Variants in EPM2A observed in about 807,000 individuals in gnomAD.
EPM2A encodes EPM2A glucan phosphatase, laforin, also known as laforin.
Under a neutral mutation model 26.5 loss-of-function variants are expected in EPM2A, and 21 were observed. That is an observed-to-expected ratio of 0.79 (90% confidence interval 0.56 to 1.14). The LOEUF (loss-of-function observed/expected upper bound fraction) is 1.14, where lower values mean the gene tolerates loss of function less well. Ranked by LOEUF, EPM2A falls within the 50% of genes most tolerant of loss-of-function variation. The pLI is 0.00. For synonymous variants in EPM2A, 217 were observed against 177.6 expected (o/e 1.22, Z -1.76); for missense variants, 458 against 440.8 (o/e 1.04, Z -0.35).
At chr6:145,484,247 C>T (rs949771387) in intron 4 of EPM2A, among the ~76,000 whole-genome samples, 1 of 152,084 alleles carries the variant, frequency 6.6e-6, no homozygotes, top group Non-Finnish European at 1.5e-5. Flanking sequence ...TTTAGTTATG[C>T]TTTGGTTTCA....
At chr6:145,657,849 A>G (rs1778407784) in intron 2 of EPM2A, among the ~76,000 whole-genome samples, 1 of 152,198 alleles carries the variant, frequency 6.6e-6, no homozygotes, top group African/African-American at 2.4e-5. Context: ...CTCTGTCCCC[A>G]GAGTCTGCTG....
intron 2 of EPM2A, among the ~76,000 whole-genome samples, chr6:145,526,174 G>A (rs1780270373): frequency 1.3e-5 from 2 of 152,040 alleles, no homozygotes; most frequent in African/African-American, 4.8e-5. Context: ...GCTTTTTGAT[G>A]TGCTGCTGGA....
intron 2 of EPM2A, among the ~76,000 whole-genome samples, chr6:145,603,188 C>T (rs1435705133): frequency 2.0e-5 from 3 of 151,898 alleles, no homozygotes; most frequent in Non-Finnish European, 4.4e-5. Flanking sequence ...GCAACTTGGG[C>T]ATCATTTCTG....
intron 1 of EPM2A, among the ~76,000 whole-genome samples, chr6:145,708,833 T>C (rs1409858881): frequency 6.6e-6 from 1 of 152,216 alleles, no homozygotes; most frequent in Non-Finnish European, 1.5e-5. Context: ...GCTTGCACTG[T>C]GTGCCTAGAA....
intron 3 of EPM2A, among the ~76,000 whole-genome samples, chr6:145,633,171 G>T (rs1240763678): frequency 6.6e-6 from 1 of 152,182 alleles, no homozygotes. Flanking sequence ...GTTGGGATGG[G>T]ATGGCGGGGG....
intron 1 of EPM2A, among the ~76,000 whole-genome samples, chr6:145,732,203 G>T (rs1381740607): frequency 6.8e-5 from 3 of 44,276 alleles, no homozygotes; most frequent in African/African-American, 1.5e-4. Context: ...GCTAAGACTT[G>T]TGTGTGTGTG....
chr6:145,397,957 C>G (rs914702943), intron 4 of EPM2A, among the ~76,000 whole-genome samples: 1 of 152,150 alleles, frequency 6.6e-6, no homozygotes, highest in African/African-American at 2.4e-5. Context: ...TTTATACTCT[C>G]CTTGTATTGG....
chr6:145,646,857 G>C (rs954004446), intron 2 of EPM2A, among the ~76,000 whole-genome samples: 4 of 151,948 alleles, frequency 2.6e-5, no homozygotes, highest in Non-Finnish European at 5.9e-5. Context: ...AAACGTGCAC[G>C]ATTCTTCTCT....
chr6:145,542,755 G>A (rs1363374156), intron 2 of EPM2A, among the ~76,000 whole-genome samples: 1 of 151,570 alleles, frequency 6.6e-6, no homozygotes, highest in East Asian at 1.9e-4. Flanking sequence ...TCTGTTTTTG[G>A]TTTTGTTTTG....
At chr6:145,459,139 C>T (rs1393304775) in intron 4 of EPM2A, among the ~76,000 whole-genome samples, 1 of 152,148 alleles carries the variant, frequency 6.6e-6, no homozygotes, top group Non-Finnish European at 1.5e-5. Flanking sequence ...TGGAACACAA[C>T]TCTGAATACA....
intron 4 of EPM2A, among the ~76,000 whole-genome samples, chr6:145,438,658 G>C (rs1340371182): frequency 6.6e-6 from 1 of 151,912 alleles, no homozygotes; most frequent in African/African-American, 2.4e-5. Context: ...ATTTTTAGTA[G>C]AGACGGGGTT....
intron 1 of EPM2A, among the ~76,000 whole-genome samples, chr6:145,719,645 A>G (rs1186131158): frequency 1.3e-5 from 2 of 152,138 alleles, no homozygotes; most frequent in Non-Finnish European, 2.9e-5. Context: ...ATAAATAAAA[A>G]CATTGCATAT....
intron 4 of EPM2A, among the ~76,000 whole-genome samples, chr6:145,494,784 A>T (rs937825799): frequency 1.3e-5 from 2 of 152,154 alleles, no homozygotes; most frequent in African/African-American, 4.8e-5. Context: ...TCCATGTAAT[A>T]TATGGATTTT....
At chr6:145,387,864 G>A (rs1778283962) in intron 4 of EPM2A, among the ~76,000 whole-genome samples, 2 of 151,974 alleles carry the variant, frequency 1.3e-5, no homozygotes, top group South Asian at 4.1e-4. Context: ...GCAGGCAGAG[G>A]AGCAGGGGAG....
At chr6:145,598,952 T>C (rs1781383095) in intron 2 of EPM2A, among the ~76,000 whole-genome samples, 1 of 152,208 alleles carries the variant, frequency 6.6e-6, no homozygotes, top group African/African-American at 2.4e-5. Context: ...TCTATTCTGT[T>C]TCACTGGTCT....
At chr6:145,489,816 T>G in intron 4 of EPM2A, 2 of 1,436,954 alleles carry the variant, frequency 1.4e-6, no homozygotes, top group Non-Finnish European at 2.0e-6. Flanking sequence ...GGTCCAAGTC[T>G]GCTTCTAGAA....
At chr6:145,511,215 A>C (rs1213530703) in intron 2 of EPM2A, among the ~76,000 whole-genome samples, 3 of 152,158 alleles carry the variant, frequency 2.0e-5, no homozygotes, top group African/African-American at 7.2e-5. Context: ...TTTATATTCC[A>C]AAAAATTGAG....
chr6:145,529,918 C>T (rs1299761227), intron 2 of EPM2A, among the ~76,000 whole-genome samples: 1 of 152,130 alleles, frequency 6.6e-6, no homozygotes, highest in African/African-American at 2.4e-5. Flanking sequence ...TCCTAAATGC[C>T]ATCTTCTATT....
intron 2 of EPM2A, among the ~76,000 whole-genome samples, chr6:145,667,675 A>G (rs1251203586): frequency 6.7e-6 from 1 of 148,522 alleles, no homozygotes; most frequent in African/African-American, 2.6e-5. Context: ...TATATAACCA[A>G]AGGACTATAA....
Sources: gnomAD v4.1 joint callset for allele counts (sites outside exome capture counted in the v4.1 genomes callset) on GRCh38, gnomAD v4.1.1 for gene constraint, MANE v1.5 for transcripts, NCBI Gene and HGNC (gene_info 2026-07-23, HGNC 2026-07-21) for gene names.